SPATA6: variants seen among roughly 807,000 people sequenced by gnomAD.
The protein encoded by SPATA6 is spermatogenesis-associated protein 6.
SPATA6 carries 56 observed loss-of-function variants against 65.3 expected under a neutral mutation model. The ratio of observed to expected loss-of-function variants is 0.86; its 90% CI spans 0.69 to 1.07. The LOEUF is 1.07. SPATA6 is among the 50% of genes least tolerant of loss of function. SPATA6 has a pLI of 0.00. For synonymous variants in SPATA6, 199 were observed against 213.2 expected (o/e 0.93, Z 0.58); for missense variants, 590 against 594.8 (o/e 0.99, Z 0.08).
chr1:48,462,408 A>C (rs909875587), intron 1 of SPATA6, among the ~76,000 whole-genome samples: 1 of 152,206 alleles, frequency 6.6e-6, no homozygotes, highest in East Asian at 1.9e-4. Context: ...AAAACCTTAA[A>C]TTCTGAAGTG....
At chr1:48,349,189 C>T (rs1646449890) in intron 11 of SPATA6, among the ~76,000 whole-genome samples, 1 of 151,892 alleles carries the variant, frequency 6.6e-6, no homozygotes, top group Non-Finnish European at 1.5e-5. Context: ...CACAGAAATG[C>T]TCATTTGTTT....
At chr1:48,267,752 GTTTTTTTTTTTTTT>G in the SPATA6 span, among the ~76,000 whole-genome samples, 1 of 72,676 alleles carries the variant, frequency 1.4e-5, no homozygotes, top group Non-Finnish European at 2.4e-5. Context: ...TAGGGTCTGG[GTTTTTTTTTTTTTT>G]TTTTTTTTTT....
intron 9 of SPATA6, among the ~76,000 whole-genome samples, chr1:48,368,171 A>C (rs1647095014): frequency 6.6e-6 from 1 of 152,188 alleles, no homozygotes; most frequent in Non-Finnish European, 1.5e-5. Context: ...ATCAGCTGTT[A>C]GTCTGATGGG....
chr1:48,403,981 G>C (rs536923264), intron 5 of SPATA6, 99 bp from the exon 6 acceptor site: 1 of 795,328 alleles, frequency 1.3e-6, no homozygotes, highest in South Asian at 2.0e-5. Context: ...ACCTGTCAAA[G>C]TTCAGCTGTT....
chr1:48,470,854 C>A (rs1658184528), intron 1 of SPATA6, among the ~76,000 whole-genome samples: 1 of 151,854 alleles, frequency 6.6e-6, no homozygotes, highest in Non-Finnish European at 1.5e-5. Flanking sequence ...CCAAGTTTTC[C>A]TAGGAGATCA....
rs878915658 is a variant in SPATA6, at chr1:48,462,548, T to C, written c.51+9410A>G. ...TAGTGAAGATTTTAATACCTCTCCATTACAAATGGGTAGATCATGCAGACA... is the reference window on the plus strand; with the variant it reads ...TAGTGAAGATTTTAATACCTCTCCACTACAAATGGGTAGATCATGCAGACA... On this transcript the variant is annotated intron_variant, in intron 1 of 12. Coordinates refer to ENST00000371847, the MANE Select transcript of SPATA6 (RefSeq NM_019073.4). Among the ~76,000 whole-genome samples, 63 of 152,096 alleles carry C rather than the reference T, an allele frequency of 4.1e-4. 1 individual carries two copies. The highest frequency in any genetic ancestry group is 3.9e-3 in the Admixed American group (60 of 15,266).
chr1:48,293,491 G>C (rs113442917), downstream of SPATA6, among the ~76,000 whole-genome samples: 1 of 152,066 alleles, frequency 6.6e-6, no homozygotes, highest in African/African-American at 2.4e-5. Flanking sequence ...TGTTGTTTGT[G>C]GGGTTGAGGG....
chr1:48,382,374 A>G (rs1176476347), intron 9 of SPATA6, among the ~76,000 whole-genome samples: 13 of 81,960 alleles, frequency 1.6e-4, no homozygotes, highest in African/African-American at 2.0e-4. Flanking sequence ...GCGGCTGGCC[A>G]GGCAGAGGGG....
intron 1 of SPATA6, among the ~76,000 whole-genome samples, chr1:48,470,696 A>C (rs1251547021): frequency 6.6e-6 from 1 of 151,948 alleles, no homozygotes; most frequent in Non-Finnish European, 1.5e-5. Context: ...CCTCATTCTA[A>C]CGTGACGAAG....
chr1:48,369,947 A>G (rs1247896365), intron 9 of SPATA6, among the ~76,000 whole-genome samples: 5 of 152,214 alleles, frequency 3.3e-5, no homozygotes, highest in African/African-American at 1.2e-4. Context: ...AACTTCATAT[A>G]CTAAATTCAT....
intron 11 of SPATA6, among the ~76,000 whole-genome samples, chr1:48,343,169 T>C (rs1646266702): frequency 6.6e-6 from 1 of 151,980 alleles, no homozygotes; most frequent in South Asian, 2.1e-4. Flanking sequence ...ACAAGATGAG[T>C]CTGGGACTCA....
At chr1:48,388,074 T>C (rs1325712172) in intron 8 of SPATA6, among the ~76,000 whole-genome samples, 1 of 152,160 alleles carries the variant, frequency 6.6e-6, no homozygotes, top group Non-Finnish European at 1.5e-5. Flanking sequence ...CACACCACTC[T>C]GGAGCCCAAG....
chr1:48,326,269 C>T (rs921869866), intron 11 of SPATA6: 1 of 152,176 alleles, frequency 6.6e-6, no homozygotes, highest in African/African-American at 2.4e-5. Flanking sequence ...GCCACACACA[C>T]AGAAATATAC....
At chr1:48,314,195 T>C (rs1467536802) in intron 11 of SPATA6, among the ~76,000 whole-genome samples, 3 of 152,292 alleles carry the variant, frequency 2.0e-5, no homozygotes, top group East Asian at 3.9e-4. Context: ...GCAGACCTAA[T>C]AGACATCTAC....
In SPATA6 at chr1:48,464,636, T is replaced by C. The variant is rs138694582; in HGVS notation, c.51+7322A>G. On this transcript the variant is annotated intron_variant, in intron 1 of 12. Transcript: ENST00000371847. ...AACCACAAGGATAAACTCCCACAAA[T>C]TGGTTAGACATAAAAGAATTCAGAC... 2.4e-3 allele frequency among the ~76,000 whole-genome samples: 369 copies of C among 152,232 alleles called. 1 individual carries two copies. The highest frequency in any genetic ancestry group is 7.9e-3 in the African/African-American group (329 of 41,546).
chr1:48,304,623 C>T (rs755671832), intron 12 of SPATA6, among the ~76,000 whole-genome samples: 5 of 152,256 alleles, frequency 3.3e-5, no homozygotes, highest in South Asian at 2.1e-4. Context: ...GGATTACAGG[C>T]GTGAGCCATT....
At chr1:48,445,400 A>C (rs1655922427) in intron 3 of SPATA6, among the ~76,000 whole-genome samples, 1 of 152,018 alleles carries the variant, frequency 6.6e-6, no homozygotes, top group South Asian at 2.1e-4. Context: ...GTGGTGGCTC[A>C]CGCCTGTAAT....
chr1:48,301,766 C>T (rs997924468), intron 12 of SPATA6, among the ~76,000 whole-genome samples: 1 of 152,092 alleles, frequency 6.6e-6, no homozygotes, highest in Non-Finnish European at 1.5e-5. Context: ...GCACCAAGCA[C>T]ATACATTGGG....
At chr1:48,282,333 T>C in the SPATA6 span, among the ~76,000 whole-genome samples, 1 of 151,694 alleles carries the variant, frequency 6.6e-6, no homozygotes, top group Non-Finnish European at 1.5e-5. Flanking sequence ...AATTGACAAA[T>C]GGGATCTAAT....
Sources: gnomAD v4.1 joint callset for allele counts (sites outside exome capture counted in the v4.1 genomes callset) on GRCh38, gnomAD v4.1.1 for gene constraint, MANE v1.5 for transcripts, NCBI Gene and HGNC (gene_info 2026-07-23, HGNC 2026-07-21) for gene names.